AUTS2: variants seen among roughly 807,000 people sequenced by gnomAD.
AUTS2 encodes the protein autism susceptibility gene 2 protein.
In AUTS2, 17 loss-of-function variants were observed where a neutral mutation model predicts 112.4. The ratio of observed to expected loss-of-function variants is 0.15; its 90% CI spans 0.10 to 0.23. AUTS2 has a LOEUF of 0.23. Ranked by LOEUF, AUTS2 falls within the 10% of genes least tolerant of loss-of-function variation. The pLI is 1.00. For missense variants in AUTS2, 1,510 were observed against 1,701.6 expected (o/e 0.89, Z 1.98); for synonymous variants, 751 against 702.7 (o/e 1.07, Z -1.09).
intron 2 of AUTS2, among the ~76,000 whole-genome samples, chr7:70,006,817 G>A (rs1370356444): frequency 6.6e-6 from 1 of 152,120 alleles, no homozygotes; most frequent in Non-Finnish European, 1.5e-5. Flanking sequence ...GAAATGCTGT[G>A]CACAAGCCCC....
intron 2 of AUTS2, among the ~76,000 whole-genome samples, chr7:69,975,647 C>G (rs561325933): frequency 2.6e-5 from 4 of 151,506 alleles, no homozygotes; most frequent in African/African-American, 9.7e-5. Context: ...TCTCCTCCAC[C>G]TGGTCTTGAG....
intron 4 of AUTS2, among the ~76,000 whole-genome samples, chr7:70,406,228 C>G (rs1391540812): frequency 6.6e-6 from 1 of 152,180 alleles, no homozygotes. Flanking sequence ...TTCTGTCCCT[C>G]CCTCCTCTCA....
rs1021720740 is a variant in AUTS2 at position 69,643,676 on chromosome 7, G to A, written c.309+43714G>A. ...CCCAGCACAGAACTGCCAGTGTTAG[G>A]TGCTCATTAAGTGTTTGTCAAAGGA... On this transcript the variant is annotated intron_variant, in intron 1 of 18. Transcript: ENST00000342771. Among the ~76,000 whole-genome samples, 18 of 152,122 alleles carry A rather than the reference G, an allele frequency of 1.2e-4. No individual in the cohort carries two copies. The South Asian group carries it at 3.5e-3, about 30-fold the overall frequency.
At chr7:69,646,449 C>T (rs1229453845) in intron 1 of AUTS2, among the ~76,000 whole-genome samples, 6 of 152,276 alleles carry the variant, frequency 3.9e-5, no homozygotes, top group African/African-American at 1.4e-4. Context: ...CTAAGTATGT[C>T]TGTGTGGATT....
chr7:69,747,728 G>A (rs2129261469), intron 1 of AUTS2, among the ~76,000 whole-genome samples: 1 of 151,062 alleles, frequency 6.6e-6, no homozygotes, highest in South Asian at 2.1e-4. Flanking sequence ...GTCATTGTGT[G>A]TGTGTATGTG....
chr7:70,311,830 C>G (rs1789768359), intron 4 of AUTS2, among the ~76,000 whole-genome samples: 1 of 152,192 alleles, frequency 6.6e-6, no homozygotes, highest in African/African-American at 2.4e-5. Context: ...TGTTCTCGTG[C>G]CTCAGCTTCC....
At chr7:70,003,160 T>G (rs1217767109) in intron 2 of AUTS2, among the ~76,000 whole-genome samples, 1 of 138,882 alleles carries the variant, frequency 7.2e-6, no homozygotes, top group African/African-American at 2.6e-5. Flanking sequence ...ATATTATATA[T>G]ATTCATATAT....
intron 1 of AUTS2, among the ~76,000 whole-genome samples, chr7:69,605,380 C>CT (rs760245629): frequency 1.3e-5 from 2 of 152,200 alleles, no homozygotes; most frequent in Non-Finnish European, 2.9e-5. Context: ...TCCTGCCTGA[C>CT]ATCTGCCTTT....
chr7:69,843,067 C>A (rs1484944236), intron 1 of AUTS2, among the ~76,000 whole-genome samples: 1 of 151,972 alleles, frequency 6.6e-6, no homozygotes, highest in Non-Finnish European at 1.5e-5. Context: ...TGCAGTTAGT[C>A]CCTTGTTACA....
At chr7:69,928,170 G>A (rs988850834) in intron 2 of AUTS2, among the ~76,000 whole-genome samples, 4 of 152,176 alleles carry the variant, frequency 2.6e-5, no homozygotes, top group African/African-American at 9.7e-5. Context: ...CCCTGAGTCT[G>A]GCTGAGTCCA....
At position 70,529,071 on chromosome 7, in the gene AUTS2, G is replaced by A. The variant is rs567153985; in HGVS notation, c.690+93290G>A. Among the ~76,000 whole-genome samples the A allele has an allele frequency of 4.6e-5, 7 of 152,214 alleles. No individual in the cohort carries two copies. In the South Asian group the frequency reaches 6.2e-4, roughly 14 times the overall value. ...AGTTGGTTGACTAATGCCAAAAAGG[G>A]CCTGGAGCCTCTCAAAACCCCACCA... is the stretch of plus-strand genomic sequence containing the variant. On this transcript the variant is annotated intron_variant, in intron 5 of 18. Coordinates refer to ENST00000342771, the MANE Select transcript of AUTS2 (RefSeq NM_015570.4).
chr7:70,447,550 A>G (rs974456297), intron 5 of AUTS2, among the ~76,000 whole-genome samples: 2 of 152,216 alleles, frequency 1.3e-5, no homozygotes, highest in African/African-American at 4.8e-5. Flanking sequence ...TCACAGAGGT[A>G]TTACCGAACA....
chr7:70,511,592 T>A (rs1205813387), intron 5 of AUTS2, among the ~76,000 whole-genome samples: 26 of 113,612 alleles, frequency 2.3e-4, no homozygotes, highest in African/African-American at 7.0e-4. Context: ...TTTTTTTTTA[T>A]TGAGACAGAG....
chr7:70,047,874 G>GAGTAT (rs1801576761), intron 2 of AUTS2, among the ~76,000 whole-genome samples: 1 of 152,122 alleles, frequency 6.6e-6, no homozygotes, highest in South Asian at 2.1e-4. Context: ...GAGTAGAGTA[G>GAGTAT]AGTAGCCTTC....
chr7:70,562,697 G>T (rs1440230468), intron 5 of AUTS2, among the ~76,000 whole-genome samples: 1 of 152,212 alleles, frequency 6.6e-6, no homozygotes, highest in Non-Finnish European at 1.5e-5. Context: ...AATAGAGGTA[G>T]AGGCTCAGTC....
At chr7:70,706,648 G>T (rs1276189403) in intron 6 of AUTS2, among the ~76,000 whole-genome samples, 1 of 152,156 alleles carries the variant, frequency 6.6e-6, no homozygotes. Context: ...ATAGCCATTT[G>T]GTTGGAGTTT....
intron 6 of AUTS2, among the ~76,000 whole-genome samples, chr7:70,732,466 C>T (rs1029630919): frequency 6.6e-6 from 1 of 152,182 alleles, no homozygotes; most frequent in East Asian, 1.9e-4. Context: ...GGTTGACCTG[C>T]AGACATCACA....
chr7:70,045,754 G>A (rs150090650), intron 2 of AUTS2, among the ~76,000 whole-genome samples: 5,777 of 149,374 alleles, frequency 0.039, 150 homozygotes, highest in Middle Eastern at 0.088. Flanking sequence ...GATTACAGGC[G>A]CATGCCACCA....
chr7:70,517,127 T>C (rs539487777), intron 5 of AUTS2, among the ~76,000 whole-genome samples: 1 of 152,320 alleles, frequency 6.6e-6, no homozygotes, highest in Admixed American at 6.5e-5. Flanking sequence ...CCTTCCTGAA[T>C]AAGGGATTTG....
Sources: allele counts gnomAD v4.1 joint callset (sites outside exome capture counted in the v4.1 genomes callset), GRCh38; gene constraint gnomAD v4.1.1; transcripts MANE v1.5; gene names NCBI Gene and HGNC (gene_info 2026-07-23, HGNC 2026-07-21).